Variants in PDE3B observed in about 807,000 individuals in gnomAD.
The protein encoded by PDE3B is phosphodiesterase 3B.
PDE3B carries 66 observed loss-of-function variants against 116.8 expected under a neutral mutation model. The ratio of observed to expected loss-of-function variants is 0.56; its 90% CI spans 0.46 to 0.69. The LOEUF (loss-of-function observed/expected upper bound fraction) is 0.69, where lower values mean the gene tolerates loss of function less well. Among genes scored for constraint, PDE3B ranks in the 30% least tolerant of loss-of-function variants. The pLI, the probability that PDE3B is intolerant of heterozygous loss-of-function variation, is 0.00. For synonymous variants in PDE3B, 595 were observed against 533.6 expected (o/e 1.12, Z -1.59); for missense variants, 1,384 against 1,368.1 (o/e 1.01, Z -0.18).
At chr11:14,892,130 C>G in the PDE3B span, 12 of 1,611,616 alleles carry the variant, frequency 7.4e-6, no homozygotes, top group Non-Finnish European at 1.0e-5. Context: ...TGGCGGACCC[C>G]TAGCGCGAAG....
intron 1 of PDE3B, among the ~76,000 whole-genome samples, chr11:14,728,743 G>C (rs997779047): frequency 2.0e-5 from 3 of 151,984 alleles, no homozygotes; most frequent in African/African-American, 7.2e-5. Flanking sequence ...CAGAATTCTT[G>C]ATAGAATTAT....
At chr11:14,779,832 T>C (rs1857920489) in intron 2 of PDE3B, among the ~76,000 whole-genome samples, 1 of 152,094 alleles carries the variant, frequency 6.6e-6, no homozygotes, top group Admixed American at 6.5e-5. Flanking sequence ...TAACCTTAAA[T>C]GTAAATGGAT....
At chr11:14,872,966 A>AC (rs1409254221), downstream of PDE3B, among the ~76,000 whole-genome samples, 3 of 152,168 alleles carry the variant, frequency 2.0e-5, no homozygotes, top group African/African-American at 7.2e-5. Flanking sequence ...ATTGTTTTGG[A>AC]CTGAGTTCCT....
intron 11 of PDE3B, among the ~76,000 whole-genome samples, chr11:14,839,389 TACTTA>T (rs1416918297): frequency 6.6e-6 from 1 of 152,236 alleles, no homozygotes; most frequent in African/African-American, 2.4e-5. Context: ...TACTAGCAAA[TACTTA>T]ATAGATGCAG....
At chr11:14,674,419 T>A (rs1313910018) in intron 1 of PDE3B, 1 of 652,560 alleles carries the variant, frequency 1.5e-6, no homozygotes, top group East Asian at 3.5e-5. Context: ...CCAACCACTG[T>A]AATGTATAAA....
intron 4 of PDE3B, among the ~76,000 whole-genome samples, chr11:14,800,040 T>G (rs1398381249): frequency 6.6e-6 from 1 of 152,192 alleles, no homozygotes; most frequent in Non-Finnish European, 1.5e-5. Context: ...TCTTTACAAT[T>G]TGGTATGTTT....
chr11:14,745,679 C>T (rs1375805496), intron 1 of PDE3B, among the ~76,000 whole-genome samples: 1 of 152,028 alleles, frequency 6.6e-6, no homozygotes, highest in Admixed American at 6.6e-5. Context: ...TTTCCTTCTC[C>T]TTTTATTTTT....
At chr11:14,725,331 TTC>T (rs1856266707) in intron 1 of PDE3B, among the ~76,000 whole-genome samples, 2 of 144,464 alleles carry the variant, frequency 1.4e-5, no homozygotes, top group African/African-American at 2.7e-5. Flanking sequence ...TTCTTTCTTT[TTC>T]TTTCTTTCTT....
intron 1 of PDE3B, among the ~76,000 whole-genome samples, chr11:14,715,755 C>A (rs577816971): frequency 1.2e-3 from 178 of 152,320 alleles, no homozygotes; most frequent in African/African-American, 4.0e-3. Flanking sequence ...TTATTTCCTT[C>A]TCCTGCCTGA....
At chr11:14,717,741 G>A (rs1440073734) in intron 1 of PDE3B, among the ~76,000 whole-genome samples, 5 of 134,592 alleles carry the variant, frequency 3.7e-5, no homozygotes, top group Non-Finnish European at 6.4e-5. Context: ...GTCACCACCA[G>A]GCCTGCCCTA....
At chr11:14,717,634 GA>G (rs1051932843) in intron 1 of PDE3B, among the ~76,000 whole-genome samples, 10 of 109,690 alleles carry the variant, frequency 9.1e-5, no homozygotes, top group African/African-American at 3.6e-4. Flanking sequence ...TTAAAGAAAA[GA>G]ATTTTCAACC....
chr11:14,798,478 A>G (rs550036330), intron 4 of PDE3B, among the ~76,000 whole-genome samples: 3 of 152,010 alleles, frequency 2.0e-5, no homozygotes, highest in African/African-American at 7.2e-5. Flanking sequence ...CTTTTTTTCT[A>G]TTGAGTGGAG....
chr11:14,731,129 T>A (rs1856444887), intron 1 of PDE3B, among the ~76,000 whole-genome samples: 1 of 152,174 alleles, frequency 6.6e-6, no homozygotes, highest in African/African-American at 2.4e-5. Flanking sequence ...GTTAGATCAG[T>A]TTGTCTCAGT....
chr11:14,761,183 A>C (rs905032108), intron 1 of PDE3B, among the ~76,000 whole-genome samples: 5 of 152,162 alleles, frequency 3.3e-5, no homozygotes, highest in Non-Finnish European at 7.4e-5. Context: ...AAGTCTTTAA[A>C]AATTCTAGTA....
the PDE3B span, chr11:14,877,560 A>C: frequency 2.0e-5 from 3 of 152,428 alleles, no homozygotes; most frequent in Non-Finnish European, 4.4e-5. Flanking sequence ...TTATGAAGAC[A>C]GAGCAGGAAG....
intron 12 of PDE3B, among the ~76,000 whole-genome samples, chr11:14,855,368 G>C (rs782121937): frequency 2.0e-5 from 3 of 151,606 alleles, no homozygotes; most frequent in African/African-American, 7.3e-5. Context: ...AAGAATTCCC[G>C]AGAAGATGAA....
chr11:14,828,523 A>G (rs1555001452), intron 7 of PDE3B, among the ~76,000 whole-genome samples: 27 of 152,238 alleles, frequency 1.8e-4, no homozygotes, highest in Non-Finnish European at 1.5e-5. Context: ...AATTTGCAAA[A>G]GAAGACATAC....
At position 14,773,822 on chromosome 11, in the gene PDE3B, T is replaced by C. The variant is rs1041428258; in HGVS notation, c.1029+1835T>C. 2.6e-5 allele frequency: 4 copies of C among 152,224 alleles called. No homozygotes were observed. The East Asian group carries it at 5.8e-4, about 22-fold the overall frequency. 9.4% of individuals were successfully genotyped at this position (152,224 alleles called of 1,614,324 possible). On this transcript the variant is annotated intron_variant, in intron 2 of 15. Transcript: ENST00000282096. The stretch of plus-strand genomic sequence containing the variant: ...TCTTTTTGAGGATTTCTACTTGGTT[T>C]ATCTCTCTCTTAGCCACTGTTTATA...
At chr11:14,835,709 G>C (rs1308238359) in intron 11 of PDE3B, among the ~76,000 whole-genome samples, 1 of 152,070 alleles carries the variant, frequency 6.6e-6, no homozygotes, top group Non-Finnish European at 1.5e-5. Context: ...CTATAATCTA[G>C]CACTTCTACA....
Sources: gnomAD v4.1 joint callset for allele counts (sites outside exome capture counted in the v4.1 genomes callset) on GRCh38, gnomAD v4.1.1 for gene constraint, MANE v1.5 for transcripts, NCBI Gene and HGNC (gene_info 2026-07-23, HGNC 2026-07-21) for gene names.